The following TMEM17 variants were observed in gnomAD, a reference collection of about 807,000 sequenced individuals.
The protein encoded by TMEM17 is transmembrane protein 17.
In TMEM17, 15 loss-of-function variants were observed where a neutral mutation model predicts 19.1. The ratio of observed to expected loss-of-function variants is 0.78; its 90% confidence interval spans 0.52 to 1.21. TMEM17 has a LOEUF of 1.21. TMEM17 is among the 50% of genes most tolerant of loss of function. TMEM17 has a pLI of 0.00. For missense variants in TMEM17, 245 were observed against 242.3 expected (o/e 1.01, Z -0.07); for synonymous variants, 103 against 86.9 (o/e 1.19, Z -1.03).
the TMEM17 span, among the ~76,000 whole-genome samples, chr2:62,458,745 G>A: frequency 6.6e-6 from 1 of 152,324 alleles, no homozygotes; most frequent in South Asian, 2.1e-4. Flanking sequence ...TGGACAGCGT[G>A]CCCGTGTCTG....
the TMEM17 span, among the ~76,000 whole-genome samples, chr2:62,493,796 T>C: frequency 6.6e-6 from 1 of 152,252 alleles, no homozygotes; most frequent in Non-Finnish European, 1.5e-5. Flanking sequence ...GCCTACAGCA[T>C]GAAGTTCAAA....
At chr2:62,502,081 C>T (rs1374437600) in intron 3 of TMEM17, 3 of 165,772 alleles carry the variant, frequency 1.8e-5, no homozygotes, top group Non-Finnish European at 3.9e-5. Flanking sequence ...AATTTTCCCC[C>T]ATTTTCTTAT....
At position 62,501,402 on chromosome 2, in the gene TMEM17, G is replaced by A; in HGVS notation, c.404C>T (p.Thr135Ile). ...TATCGCTTTTTCCAAGGGCAGATTT[G>A]TTAGGCCTTCATTAAAGAGCAAGAA... The part of the protein sequence containing the change: ...ILFLLFNEGL[T>I]NLPLEKAIHI... Residue 135 changes from threonine to isoleucine, a missense_variant, in exon 4 of 4, where the codon ACA (threonine) becomes ATA (isoleucine). Coordinates refer to ENST00000335390, the MANE Select transcript of TMEM17 (RefSeq NM_198276.3). 1 of 1,614,192 alleles carries A rather than the reference G, an allele frequency of 6.2e-7. No homozygotes were observed. The highest frequency in any genetic ancestry group is 1.1e-5 in the South Asian group (1 of 91,086).
chr2:62,497,126 T>C (rs1295724116), downstream of TMEM17, among the ~76,000 whole-genome samples: 1 of 152,202 alleles, frequency 6.6e-6, no homozygotes, highest in Non-Finnish European at 1.5e-5. Flanking sequence ...AACACTATAG[T>C]AGGTTCTATT....
chr2:62,505,927 AGG>A (rs1230522715), intron 1 of TMEM17, 101 bp downstream of exon 1: 1 of 1,112,286 alleles, frequency 9.0e-7, no homozygotes, highest in African/African-American at 1.6e-5. Flanking sequence ...AACTGGCTGA[AGG>A]CGACATCGCC....
chr2:62,471,749 T>C, the TMEM17 span, among the ~76,000 whole-genome samples: 2 of 152,232 alleles, frequency 1.3e-5, no homozygotes, highest in African/African-American at 4.8e-5. Context: ...GGGGCAAGGC[T>C]GAGGCTGGAA....
the TMEM17 span, among the ~76,000 whole-genome samples, chr2:62,493,593 G>C: frequency 6.6e-6 from 1 of 152,154 alleles, no homozygotes; most frequent in Non-Finnish European, 1.5e-5. Context: ...TTTTTGAAAA[G>C]TACATGTTGG....
At chr2:62,480,944 C>A in the TMEM17 span, among the ~76,000 whole-genome samples, 1 of 151,354 alleles carries the variant, frequency 6.6e-6, no homozygotes, top group Non-Finnish European at 1.5e-5. Flanking sequence ...TTTTCCATTT[C>A]TGTGGAGTAT....
At position 62,501,136 on chromosome 2, in the gene TMEM17, C is replaced by A. The variant is rs534763528; in HGVS notation, c.*73G>T. 3.6e-5 allele frequency: 55 copies of A among 1,509,866 alleles called. No homozygotes were observed. The African/African-American group carries it at 6.3e-4, about 17-fold the overall frequency. The allele number at this position is 1,509,866 out of a possible 1,614,324, so 93.5% of individuals were successfully genotyped here. A position where few individuals can be genotyped will look rare whatever the true frequency, so the allele number is the denominator to read the frequency against. ...AAAACACTTGCTTTGTCCCTTTTCT[C>A]AGAGCTCTGATATTTTCCTAACTCT... On this transcript the variant is annotated 3_prime_UTR_variant, in exon 4 of 4. Transcript: ENST00000335390.
chr2:62,464,435 G>C, the TMEM17 span, among the ~76,000 whole-genome samples: 3 of 152,226 alleles, frequency 2.0e-5, no homozygotes, highest in Non-Finnish European at 4.4e-5. Context: ...AGCGGGCTGA[G>C]TAAACAAGGC....
At chr2:62,501,722 G>A (rs1318184461) in intron 3 of TMEM17, 1 of 463,356 alleles carries the variant, frequency 2.2e-6, no homozygotes, top group Non-Finnish European at 3.8e-6. Flanking sequence ...GCAATATTTA[G>A]AAGTACAGAC....
chr2:62,485,579 C>A, the TMEM17 span, among the ~76,000 whole-genome samples: 1 of 152,174 alleles, frequency 6.6e-6, no homozygotes, highest in Non-Finnish European at 1.5e-5. Flanking sequence ...TTGCTTTATA[C>A]AACAGAAGAG....
chr2:62,478,899 G>C, the TMEM17 span, among the ~76,000 whole-genome samples: 62 of 152,248 alleles, frequency 4.1e-4, no homozygotes, highest in Non-Finnish European at 8.7e-4. Context: ...GAGCCCAAAA[G>C]GGAGATTGGG....
At chr2:62,493,531 C>T in the TMEM17 span, among the ~76,000 whole-genome samples, 2 of 152,162 alleles carry the variant, frequency 1.3e-5, no homozygotes, top group Non-Finnish European at 2.9e-5. Flanking sequence ...TCTCCTAGGA[C>T]TACCCAGATG....
the TMEM17 span, among the ~76,000 whole-genome samples, chr2:62,475,267 C>T: frequency 7.2e-5 from 11 of 152,256 alleles, no homozygotes; most frequent in Non-Finnish European, 1.3e-4. Flanking sequence ...GGGAAGCAGC[C>T]TCTGAGCCGC....
chr2:62,489,475 T>C, the TMEM17 span, among the ~76,000 whole-genome samples: 2 of 152,262 alleles, frequency 1.3e-5, no homozygotes, highest in Admixed American at 1.3e-4. Context: ...GCCTGTATCC[T>C]GCGATTGGAG....
At chr2:62,504,145 T>C (rs374447871) in intron 1 of TMEM17, among the ~76,000 whole-genome samples, 2 of 152,230 alleles carry the variant, frequency 1.3e-5, no homozygotes, top group African/African-American at 2.4e-5. Flanking sequence ...ATATAAGAAA[T>C]AGTCATGGTC....
rs1016645835 is a variant in TMEM17, at chr2:62,500,977, C to T, written c.*232G>A. On this transcript the variant is annotated 3_prime_UTR_variant, in exon 4 of 4. Transcript: ENST00000335390. Reference sequence around the variant, plus strand: ...ACACTCCTGAAAAAGACAACAACATCAAAAAAAATTAAGAAATTTGGCATC... The same window carrying T: ...ACACTCCTGAAAAAGACAACAACATTAAAAAAAATTAAGAAATTTGGCATC... The T allele has an allele frequency of 5.3e-6, 2 of 378,002 alleles. No homozygotes were observed. Among genetic ancestry groups the T allele is most frequent in the Non-Finnish European group, 9.3e-6 (2 of 214,700 alleles). 23.4% of individuals were successfully genotyped at this position (378,002 alleles called of 1,614,324 possible). A position where few individuals can be genotyped will look rare whatever the true frequency, so the allele number is the denominator to read the frequency against.
chr2:62,502,446 T>C lies in TMEM17; in HGVS notation c.309A>G (p.Leu103=), dbSNP rs1471171089. ...GGAAAAAAGAGCTTACCTTCTCCTG[T>C]AGGTTACCCACGTAGCCCAGATACA... The part of the protein sequence containing the change: ...IRLYLGYVGN[L]QEKVPELAGF... Residue 103 remains leucine, a synonymous_variant, in exon 3 of 4, where the codon CTA becomes CTG. Coordinates refer to ENST00000335390, the MANE Select transcript of TMEM17 (RefSeq NM_198276.3). The C allele has an allele frequency of 1.9e-6, 3 of 1,600,566 alleles. No individual in the cohort carries two copies. The highest frequency in any genetic ancestry group is 2.6e-6 in the Non-Finnish European group (3 of 1,168,276).
Sources: gnomAD v4.1 joint callset for allele counts (sites outside exome capture counted in the v4.1 genomes callset) on GRCh38, gnomAD v4.1.1 for gene constraint, MANE v1.5 for transcripts, NCBI Gene and HGNC (gene_info 2026-07-23, HGNC 2026-07-21) for gene names.